Variants in ADAMTS20 observed in about 807,000 individuals in gnomAD.
ADAMTS20 encodes the protein ADAM metallopeptidase with thrombospondin type 1 motif 20.
A neutral mutation model predicts 260.1 loss-of-function variants in ADAMTS20; 225 were observed. The ratio of observed to expected loss-of-function variants is 0.87; its 90% CI spans 0.78 to 0.97. ADAMTS20 has a LOEUF of 0.97. Ranked by LOEUF, ADAMTS20 falls within the 50% of genes least tolerant of loss-of-function variation. The pLI, the probability that ADAMTS20 is intolerant of heterozygous loss-of-function variation, is 0.00. For missense variants in ADAMTS20, 2,400 were observed against 2,337.7 expected (o/e 1.03, Z -0.55); for synonymous variants, 802 against 769.5 (o/e 1.04, Z -0.70).
Position 43,455,453 on chromosome 12 carries a change from G to T in ADAMTS20, c.1615-1401C>A, listed in dbSNP as rs371101750. Among the ~76,000 whole-genome samples, 7 of 152,188 alleles carry T rather than the reference G, an allele frequency of 4.6e-5. No homozygotes were observed. The East Asian group carries it at 7.7e-4, about 17-fold the overall frequency. ...CATCCTCTGTAGGGAGAGAATGCTGGATCCTCACAGAGCACAATGCAGAAG... is the reference window on the plus strand; with the variant it reads ...CATCCTCTGTAGGGAGAGAATGCTGTATCCTCACAGAGCACAATGCAGAAG... On this transcript the variant is annotated intron_variant, in intron 11 of 38. Transcript: ENST00000389420.
intron 28 of ADAMTS20, among the ~76,000 whole-genome samples, chr12:43,421,356 A>G (rs1296667644): frequency 6.6e-6 from 1 of 151,834 alleles, no homozygotes; most frequent in Non-Finnish European, 1.5e-5. Context: ...AAAAAAATAT[A>G]TATTCTCTTC....
At chr12:43,356,620 T>C (rs775754070) in intron 37 of ADAMTS20, 32 bp from the exon 38 acceptor site, 4 of 1,470,648 alleles carry the variant, frequency 2.7e-6, no homozygotes, top group Middle Eastern at 1.7e-4. Context: ...GAAAAATAGA[T>C]GGAATTTACA....
intron 28 of ADAMTS20, chr12:43,422,962 A>G (rs1055993605): frequency 6.6e-6 from 1 of 152,122 alleles, no homozygotes; most frequent in African/African-American, 2.4e-5. Context: ...TTGCATGAAT[A>G]TCACAGTGGA....
intron 37 of ADAMTS20, among the ~76,000 whole-genome samples, chr12:43,365,344 A>T (rs1939960746): frequency 6.6e-6 from 1 of 152,090 alleles, no homozygotes; most frequent in Non-Finnish European, 1.5e-5. Flanking sequence ...TTAATTATGT[A>T]GATAATTATA....
intron 2 of ADAMTS20, among the ~76,000 whole-genome samples, chr12:43,549,497 C>T (rs901839762): frequency 2.6e-5 from 4 of 152,100 alleles, no homozygotes; most frequent in Middle Eastern, 3.2e-3. Context: ...ACTACATCAA[C>T]ATTATGAATC....
intron 19 of ADAMTS20, chr12:43,433,744 AC>A: frequency 2.2e-6 from 1 of 457,646 alleles, no homozygotes; most frequent in Non-Finnish European, 4.4e-6. Flanking sequence ...ACACACACAA[AC>A]CAAATAACAA....
intron 3 of ADAMTS20, among the ~76,000 whole-genome samples, chr12:43,507,397 A>G (rs1479088660): frequency 2.0e-5 from 3 of 152,174 alleles, no homozygotes; most frequent in South Asian, 2.1e-4. Flanking sequence ...TGGGACTACA[A>G]GCGGCCCTCA....
chr12:43,451,200 T>A (rs1227320161), intron 14 of ADAMTS20, among the ~76,000 whole-genome samples: 1 of 152,126 alleles, frequency 6.6e-6, no homozygotes, highest in African/African-American at 2.4e-5. Context: ...TACTATATGA[T>A]CCCATTCATA....
At chr12:43,550,226 T>A (rs1943493247) in intron 2 of ADAMTS20, among the ~76,000 whole-genome samples, 2 of 152,220 alleles carry the variant, frequency 1.3e-5, no homozygotes, top group African/African-American at 4.8e-5. Flanking sequence ...ACAGACACTG[T>A]GGCTTTATCA....
At chr12:43,445,834 A>G (rs755473449) in intron 15 of ADAMTS20, among the ~76,000 whole-genome samples, 3 of 152,192 alleles carry the variant, frequency 2.0e-5, no homozygotes, top group Non-Finnish European at 4.4e-5. Flanking sequence ...CCTGGGCAAC[A>G]GAGTAGCACC....
Position 43,383,875 on chromosome 12 carries a change from GT to G in ADAMTS20, c.4554del (p.Pro1519LeufsTer23). The G allele has an allele frequency of 6.2e-7, 1 of 1,613,904 alleles. No individual in the cohort carries two copies. ...CTCCAACATCGCCTCTGAGAACAAG[GT>G]CGGGTGGACTGATCACACATTTCTT... Reference protein sequence around the residue: ...VVEEMCDQSTRPCSQRRCWSQ... With the variant: ...VVEEMCDQSTXPCSQRRCWSQ... On this transcript the variant is annotated frameshift_variant, in exon 30 of 39. Coordinates refer to ENST00000389420, the MANE Select transcript of ADAMTS20 (RefSeq NM_025003.5). LOFTEE classifies it high-confidence loss of function.
chr12:43,529,765 C>T (rs1366983555), intron 3 of ADAMTS20, among the ~76,000 whole-genome samples: 1 of 152,056 alleles, frequency 6.6e-6, no homozygotes, highest in Non-Finnish European at 1.5e-5. Flanking sequence ...TATAATTCAT[C>T]TATGTAACCA....
intron 3 of ADAMTS20, among the ~76,000 whole-genome samples, chr12:43,526,581 A>G (rs1943146852): frequency 6.6e-6 from 1 of 152,242 alleles, no homozygotes; most frequent in African/African-American, 2.4e-5. Flanking sequence ...CTGCTCCTGA[A>G]TGATTTTTAG....
chr12:43,459,386 C>T (rs1279829735), intron 11 of ADAMTS20, among the ~76,000 whole-genome samples: 1 of 152,186 alleles, frequency 6.6e-6, no homozygotes, highest in East Asian at 1.9e-4. Flanking sequence ...TTCCATGACC[C>T]ATGGCTTCTA....
rs745607993 is a variant in ADAMTS20 at position 43,354,270 on chromosome 12, C to A, written c.5672G>T (p.Gly1891Val). The part of the protein sequence containing the change: ...EDGTRFFGKC[G>V]GYCGKCLPHM... ...AGGAAGACACTTTCCACAGTACCCTCCACATTTGCCGAAAAATCTAGTTCC... is the reference window on the plus strand; with the variant it reads ...AGGAAGACACTTTCCACAGTACCCTACACATTTGCCGAAAAATCTAGTTCC... Residue 1891 changes from glycine (G) to valine (V), a missense_variant, in exon 39 of 39, where the codon GGA (glycine) becomes GTA (valine). By Grantham distance (109) the Gly-to-Val change is moderately radical. Coordinates refer to ENST00000389420, the MANE Select transcript of ADAMTS20 (RefSeq NM_025003.5). 6.3e-7 allele frequency: 1 copy of A among 1,592,096 alleles called. No individual in the cohort carries two copies. The highest frequency in any genetic ancestry group is 2.3e-5 in the East Asian group (1 of 44,370).
intron 11 of ADAMTS20, among the ~76,000 whole-genome samples, chr12:43,461,145 C>G (rs1441790738): frequency 6.6e-6 from 1 of 150,952 alleles, no homozygotes; most frequent in Non-Finnish European, 1.5e-5. Flanking sequence ...CGCCTGTCAC[C>G]ACGCCTGGCT....
Position 43,383,913 on chromosome 12 carries a change from C to A in ADAMTS20, c.4517G>T (p.Gly1506Val), listed in dbSNP as rs777380810. The change falls in exon 30 of 39, where the codon GGT becomes GTT. Residue 1506 changes from glycine (G) to valine (V), a missense_variant. By Grantham distance (109) the Gly-to-Val change is moderately radical. Coordinates refer to ENST00000389420, the MANE Select transcript of ADAMTS20 (RefSeq NM_025003.5). ...ATCACACATTTCTTCAACCACCTGACCAACACCTTTCAGTCTGCAGTATAC... is the reference window on the plus strand; with the variant it reads ...ATCACACATTTCTTCAACCACCTGAACAACACCTTTCAGTCTGCAGTATAC... ...RDVYCRLKGV[G>V]QVVEEMCDQS... is the part of the protein sequence containing the mutation. The A allele has an allele frequency of 1.9e-6, 3 of 1,613,926 alleles. No individual in the cohort carries two copies. Among genetic ancestry groups the A allele is most frequent in the Non-Finnish European group, 2.5e-6 (3 of 1,179,866 alleles).
At chr12:43,400,597 A>G (rs892275095) in intron 28 of ADAMTS20, among the ~76,000 whole-genome samples, 2 of 151,750 alleles carry the variant, frequency 1.3e-5, no homozygotes, top group African/African-American at 4.8e-5. Context: ...CTTTCCTTCT[A>G]TTGATCTAGA....
At chr12:43,363,950 T>C (rs1472216033) in intron 37 of ADAMTS20, among the ~76,000 whole-genome samples, 1 of 152,194 alleles carries the variant, frequency 6.6e-6, no homozygotes, top group African/African-American at 2.4e-5. Context: ...GGAAATCATC[T>C]AGCAATTAGT....
Sources: allele counts gnomAD v4.1 joint callset (sites outside exome capture counted in the v4.1 genomes callset), GRCh38; gene constraint gnomAD v4.1.1; transcripts MANE v1.5; gene names NCBI Gene and HGNC (gene_info 2026-07-23, HGNC 2026-07-21).